Variants in CBX5 observed in about 807,000 individuals in gnomAD.
CBX5 encodes chromobox protein homolog 5.
Under a neutral mutation model 20.7 loss-of-function variants are expected in CBX5, and 7 were observed. That is an observed-to-expected ratio of 0.34 (90% CI 0.19 to 0.63). CBX5 has a LOEUF of 0.63. CBX5 is among the 30% of genes least tolerant of loss of function. The probability of loss-of-function intolerance (pLI) is 0.75; values close to 1 mark genes in which losing one functional copy is unlikely to be tolerated. For synonymous variants in CBX5, 78 were observed against 77.0 expected (o/e 1.01, Z -0.07); for missense variants, 110 against 224.1 (o/e 0.49, Z 3.25).
At chr12:54,272,292 C>G (rs1944017912) in intron 1 of CBX5, 1 of 152,096 alleles carries the variant, frequency 6.6e-6, no homozygotes, top group Admixed American at 6.6e-5. Context: ...GTTATAAAAC[C>G]TGATCTTGAA....
In CBX5 at chr12:54,231,934, A is replaced by G. The variant is rs1247249753; in HGVS notation, c.*9821T>C. 4 of 152,222 alleles carry G rather than the reference A, an allele frequency of 2.6e-5. No homozygotes were observed. Among genetic ancestry groups the G allele is most frequent in the Non-Finnish European group, 5.9e-5 (4 of 68,058 alleles). The allele number at this position is 152,222 out of a possible 1,614,324, so 9.4% of individuals were successfully genotyped here. ...AGGTACAGATACCACAAAGGGGTAC[A>G]GTGACCCAGCTGTCCTGGGATTGGT... On this transcript the variant is annotated 3_prime_UTR_variant, in exon 5 of 5. Transcript: ENST00000209875.
chr12:54,271,122 ACTGT>A (rs1303000948), intron 1 of CBX5, among the ~76,000 whole-genome samples: 1 of 152,154 alleles, frequency 6.6e-6, no homozygotes, highest in Non-Finnish European at 1.5e-5. Context: ...CAGAAGGTAA[ACTGT>A]CTGTGTAAAA....
intron 3 of CBX5, among the ~76,000 whole-genome samples, chr12:54,246,510 G>A (rs180898183): frequency 1.3e-5 from 2 of 152,250 alleles, no homozygotes; most frequent in East Asian, 3.9e-4. Context: ...TCAGAGGCAT[G>A]GTGGCTCACG....
intron 1 of CBX5, among the ~76,000 whole-genome samples, chr12:54,265,498 G>C (rs573186191): frequency 6.6e-6 from 1 of 152,164 alleles, no homozygotes; most frequent in Non-Finnish European, 1.5e-5. Context: ...TAAATGGGCT[G>C]ATAACTATCA....
At chr12:54,268,029 A>G (rs1399927667) in intron 1 of CBX5, among the ~76,000 whole-genome samples, 1 of 152,128 alleles carries the variant, frequency 6.6e-6, no homozygotes, top group African/African-American at 2.4e-5. Context: ...CTGTAATCCC[A>G]GTTACTCAGG....
chr12:54,241,929 T>G, intron 4 of CBX5, 24 bp from the exon 5 acceptor site: 1 of 1,606,256 alleles, frequency 6.2e-7, no homozygotes, highest in Non-Finnish European at 8.5e-7. Context: ...ATATGAGACT[T>G]AAAAGGAGAG....
At chr12:54,268,059 G>A (rs561069327) in intron 1 of CBX5, among the ~76,000 whole-genome samples, 3 of 152,100 alleles carry the variant, frequency 2.0e-5, no homozygotes, top group Non-Finnish European at 4.4e-5. Flanking sequence ...CAGGAGAATC[G>A]CTTGAACCCG....
At chr12:54,258,658 T>C (rs903933555) in intron 1 of CBX5, among the ~76,000 whole-genome samples, 5 of 152,224 alleles carry the variant, frequency 3.3e-5, no homozygotes, top group Admixed American at 1.3e-4. Flanking sequence ...ACAGAGAATC[T>C]AGTTTTAAAA....
At chr12:54,260,139 A>T (rs956945637) in intron 1 of CBX5, among the ~76,000 whole-genome samples, 3 of 151,048 alleles carry the variant, frequency 2.0e-5, no homozygotes, top group African/African-American at 2.4e-5. Context: ...CAAAGACATG[A>T]AGCACTACCA....
intron 1 of CBX5, chr12:54,273,072 T>C (rs1336753770): frequency 1.3e-5 from 2 of 152,380 alleles, no homozygotes; most frequent in East Asian, 1.9e-4. Context: ...GTCTGAATGA[T>C]GGCCCTCCCC....
At chr12:54,265,680 G>C (rs1005075605) in intron 1 of CBX5, among the ~76,000 whole-genome samples, 1 of 152,198 alleles carries the variant, frequency 6.6e-6, no homozygotes, top group South Asian at 2.1e-4. Context: ...TTTATTAAAA[G>C]AAGAGAGCAT....
At chr12:54,257,413 G>C (rs1943871123) in intron 2 of CBX5, 101 bp downstream of exon 2, 8 of 1,192,678 alleles carry the variant, frequency 6.7e-6, no homozygotes, top group Non-Finnish European at 9.6e-6. Context: ...GAGTGCAGGA[G>C]GGGGAAGAAA....
At chr12:54,272,502 T>C (rs1222751605) in intron 1 of CBX5, 3 of 152,174 alleles carry the variant, frequency 2.0e-5, no homozygotes, top group Non-Finnish European at 2.9e-5. Context: ...GGAAAGAAAA[T>C]TCAGGCTACA....
At chr12:54,264,616 G>A (rs1943941928) in intron 1 of CBX5, among the ~76,000 whole-genome samples, 1 of 152,204 alleles carries the variant, frequency 6.6e-6, no homozygotes, top group Non-Finnish European at 1.5e-5. Flanking sequence ...GCCAAGGTGG[G>A]TGGATCACCT....
At chr12:54,268,732 T>C (rs1366657936) in intron 1 of CBX5, among the ~76,000 whole-genome samples, 1 of 152,148 alleles carries the variant, frequency 6.6e-6, no homozygotes, top group Admixed American at 6.6e-5. Flanking sequence ...TCTCCAAAGG[T>C]TGTTATAGAA....
At chr12:54,261,591 G>A (rs944884186) in intron 1 of CBX5, among the ~76,000 whole-genome samples, 3 of 152,054 alleles carry the variant, frequency 2.0e-5, no homozygotes, top group African/African-American at 4.8e-5. Context: ...CACTGCACCC[G>A]GCCAGAAATT....
intron 1 of CBX5, chr12:54,263,068 A>G (rs1002983122): frequency 6.6e-6 from 1 of 152,442 alleles, no homozygotes; most frequent in African/African-American, 2.4e-5. Flanking sequence ...GCCCATTGAG[A>G]TGAGAAAAGA....
intron 1 of CBX5, among the ~76,000 whole-genome samples, chr12:54,276,119 T>C (rs1189384055): frequency 6.6e-6 from 1 of 152,006 alleles, no homozygotes; most frequent in African/African-American, 2.4e-5. Context: ...GACAGTAAAC[T>C]AGAAAGTCTC....
chr12:54,270,262 T>C (rs1360296980), intron 1 of CBX5, among the ~76,000 whole-genome samples: 1 of 152,186 alleles, frequency 6.6e-6, no homozygotes, highest in Non-Finnish European at 1.5e-5. Flanking sequence ...CTTTAAGCAC[T>C]TCCTTAACTG....
Sources: gnomAD v4.1 joint callset for allele counts (sites outside exome capture counted in the v4.1 genomes callset) on GRCh38, gnomAD v4.1.1 for gene constraint, MANE v1.5 for transcripts, NCBI Gene and HGNC (gene_info 2026-07-23, HGNC 2026-07-21) for gene names.